The following CCSER1 variants were observed in gnomAD, a reference collection of about 807,000 sequenced individuals.
CCSER1 encodes serine-rich coiled-coil domain-containing protein 1.
A neutral mutation model predicts 82.0 loss-of-function variants in CCSER1; 41 were observed. The observed-to-expected ratio is 0.50, with a 90% CI of 0.39 to 0.65. The LOEUF is 0.65. Among genes scored for constraint, CCSER1 ranks in the 30% least tolerant of loss-of-function variants. CCSER1 has a pLI of 0.00. For synonymous variants in CCSER1, 414 were observed against 383.9 expected, an observed-to-expected ratio of 1.08 and a Z score of -0.92; for missense variants, 1,119 against 1,064.2, an observed-to-expected ratio of 1.05 and a Z score of -0.72.
At chr4:90,148,784 A>AT (rs1174546514) in intron 1 of CCSER1, among the ~76,000 whole-genome samples, 2 of 151,838 alleles carry the variant, frequency 1.3e-5, no homozygotes, top group Admixed American at 6.6e-5. Flanking sequence ...TAGCTGACTT[A>AT]TTTTTTTTCT....
intron 10 of CCSER1, among the ~76,000 whole-genome samples, chr4:91,250,219 T>G (rs1581842880): frequency 6.6e-6 from 1 of 152,202 alleles, no homozygotes; most frequent in Non-Finnish European, 1.5e-5. Context: ...TCTGTCCAGA[T>G]GGCTTGAAAA....
chr4:91,116,463 G>T (rs1384120965), intron 10 of CCSER1, among the ~76,000 whole-genome samples: 2 of 152,166 alleles, frequency 1.3e-5, no homozygotes, highest in Non-Finnish European at 2.9e-5. Context: ...TAATTTACTA[G>T]CTCTTGTAAT....
At chr4:91,429,334 T>C (rs1754163822) in intron 10 of CCSER1, among the ~76,000 whole-genome samples, 1 of 151,954 alleles carries the variant, frequency 6.6e-6, no homozygotes, top group Non-Finnish European at 1.5e-5. Context: ...CAGAATAATA[T>C]ATGATGGAAC....
chr4:91,250,274 C>T (rs1528582), intron 10 of CCSER1, among the ~76,000 whole-genome samples: 74,621 of 151,628 alleles, frequency 0.49, 18,847 homozygotes, highest in African/African-American at 0.61. Flanking sequence ...GATTGGATTT[C>T]TGTTTCTTAA....
chr4:90,635,648 A>T (rs914979560), intron 6 of CCSER1, among the ~76,000 whole-genome samples: 1 of 151,874 alleles, frequency 6.6e-6, no homozygotes, highest in Non-Finnish European at 1.5e-5. Context: ...TTCTTCCTTG[A>T]AATGTTGGTT....
chr4:90,578,982 T>A (rs887796878), intron 5 of CCSER1, among the ~76,000 whole-genome samples: 6 of 68,692 alleles, frequency 8.7e-5, no homozygotes, highest in Non-Finnish European at 1.5e-4. Flanking sequence ...ATATTTTTAG[T>A]GCTTATAAAG....
At chr4:90,352,421 T>G (rs1468021761) in intron 3 of CCSER1, among the ~76,000 whole-genome samples, 1 of 152,092 alleles carries the variant, frequency 6.6e-6, no homozygotes, top group Non-Finnish European at 1.5e-5. Flanking sequence ...ACTAGCACTA[T>G]GGGCAGTCCA....
chr4:90,839,792 A>C (rs1762331348), intron 8 of CCSER1, among the ~76,000 whole-genome samples: 2 of 152,204 alleles, frequency 1.3e-5, no homozygotes, highest in Admixed American at 1.3e-4. Flanking sequence ...ATTCTTCTAA[A>C]AGGGTAGAAG....
intron 10 of CCSER1, among the ~76,000 whole-genome samples, chr4:91,365,341 T>C (rs1749536954): frequency 6.6e-6 from 1 of 152,186 alleles, no homozygotes; most frequent in Non-Finnish European, 1.5e-5. Flanking sequence ...AAGGATTCTA[T>C]ATCATGAAAT....
At chr4:91,598,448 A>T in intron 10 of CCSER1, 124 bp from the exon 11 acceptor site, 1 of 1,023,828 alleles carries the variant, frequency 9.8e-7, no homozygotes. Flanking sequence ...TGTATTGATA[A>T]TTTTATAAAC....
At chr4:91,176,594 G>T (rs1733400017) in intron 10 of CCSER1, among the ~76,000 whole-genome samples, 1 of 151,972 alleles carries the variant, frequency 6.6e-6, no homozygotes, top group African/African-American at 2.4e-5. Context: ...GTGAAAGGGA[G>T]TTCACTCATG....
intron 10 of CCSER1, among the ~76,000 whole-genome samples, chr4:91,320,514 C>A (rs1296853264): frequency 6.6e-6 from 1 of 151,992 alleles, no homozygotes; most frequent in Non-Finnish European, 1.5e-5. Context: ...TCAGCAATTA[C>A]CTTGCTGTTT....
In CCSER1 at chr4:90,391,477, TATATATATAC is replaced by T. The variant is rs1313101548; in HGVS notation, c.1510-8557_1510-8548del. 2.6e-3 allele frequency among the ~76,000 whole-genome samples: 236 copies of T among 91,154 alleles called. 7 individuals carry two copies. The highest frequency in any genetic ancestry group is 0.015 in the African/African-American group (219 of 15,086). The allele number at this position is 91,154 out of a possible 152,430, so 59.8% of individuals were successfully genotyped here. A position where few individuals can be genotyped will look rare whatever the true frequency, so the allele number is the denominator to read the frequency against. On this transcript the variant is annotated intron_variant, in intron 3 of 10. Coordinates refer to ENST00000509176, the MANE Select transcript of CCSER1 (RefSeq NM_001145065.2). Reference sequence around the variant, plus strand: ...ATATATATATATATATATATATATATATATATATACACACACACAGTGGGTAAATATATAT... The same window carrying T: ...ATATATATATATATATATATATATATACACACACAGTGGGTAAATATATAT...
At chr4:90,763,843 TCTC>T (rs748569687) in intron 7 of CCSER1, among the ~76,000 whole-genome samples, 2 of 152,148 alleles carry the variant, frequency 1.3e-5, no homozygotes, top group Non-Finnish European at 2.9e-5. Flanking sequence ...ATACACTTCT[TCTC>T]CTATCTACTT....
At chr4:91,231,732 CAT>C (rs1738643662) in intron 10 of CCSER1, among the ~76,000 whole-genome samples, 1 of 151,666 alleles carries the variant, frequency 6.6e-6, no homozygotes, top group African/African-American at 2.4e-5. Context: ...ATGTAAAAGA[CAT>C]ATGTATCTGT....
intron 10 of CCSER1, among the ~76,000 whole-genome samples, chr4:91,494,584 C>T (rs1313471159): frequency 6.6e-6 from 1 of 151,714 alleles, no homozygotes; most frequent in Non-Finnish European, 1.5e-5. Context: ...TTTGGATAAA[C>T]ATTCAATAGA....
chr4:91,034,989 G>A (rs1023007972), intron 9 of CCSER1, among the ~76,000 whole-genome samples: 1 of 152,072 alleles, frequency 6.6e-6, no homozygotes, highest in Non-Finnish European at 1.5e-5. Context: ...ACATGTATGT[G>A]CATGCATTTA....
At chr4:90,988,879 T>A (rs1736801297) in intron 9 of CCSER1, among the ~76,000 whole-genome samples, 1 of 151,884 alleles carries the variant, frequency 6.6e-6, no homozygotes, top group Non-Finnish European at 1.5e-5. Context: ...TGGGGTTTTT[T>A]ATTTTATGTC....
chr4:91,020,261 C>A (rs1307636923), intron 9 of CCSER1, among the ~76,000 whole-genome samples: 2 of 152,168 alleles, frequency 1.3e-5, no homozygotes, highest in South Asian at 4.1e-4. Flanking sequence ...AGACCCACAT[C>A]CCTTGCAAAG....
Sources: gnomAD v4.1 joint callset for allele counts (sites outside exome capture counted in the v4.1 genomes callset) on GRCh38, gnomAD v4.1.1 for gene constraint, MANE v1.5 for transcripts, NCBI Gene and HGNC (gene_info 2026-07-23, HGNC 2026-07-21) for gene names.